FBXW7: variants seen among roughly 807,000 people sequenced by gnomAD.
The protein encoded by FBXW7 is F-box and WD repeat domain containing 7, also known as F-box/WD repeat-containing protein 7.
In FBXW7, 11 loss-of-function variants were observed where a neutral mutation model predicts 86.3. The observed-to-expected ratio is 0.13, with a 90% CI of 0.08 to 0.21. The LOEUF is 0.21. FBXW7 is among the 10% of genes least tolerant of loss of function. FBXW7 has a pLI of 1.00. For synonymous variants in FBXW7, 313 were observed against 297.9 expected (o/e 1.05, Z -0.52); for missense variants, 488 against 847.4 (o/e 0.58, Z 5.27).
chr4:152,367,115 G>A (rs1450886660), intron 4 of FBXW7, among the ~76,000 whole-genome samples: 1 of 152,092 alleles, frequency 6.6e-6, no homozygotes, highest in African/African-American at 2.4e-5. Flanking sequence ...ATCACACACT[G>A]GGGCCTGTCG....
rs751939123 is a variant in FBXW7, at chr4:152,328,360, A to T, written c.1266T>A (p.Gly422=). ...KCLRTLVGHT[G]GVWSSQMRDN... ...CTCTCATTTGTGATGACCATACTCCACCTGTATGTCCCACTAATGTTCTCA... is the reference window on the plus strand; with the variant it reads ...CTCTCATTTGTGATGACCATACTCCTCCTGTATGTCCCACTAATGTTCTCA... The change falls in exon 11 of 14, where the codon GGT becomes GGA. Residue 422 remains glycine (G), a synonymous_variant. Transcript: ENST00000281708. 3.8e-6 allele frequency: 6 copies of T among 1,572,420 alleles called. 1 individual carries two copies. In the South Asian group the frequency reaches 7.2e-5, roughly 19 times the overall value.
intron 2 of FBXW7, among the ~76,000 whole-genome samples, chr4:152,460,816 G>T (rs919304030): frequency 3.9e-5 from 6 of 152,120 alleles, no homozygotes; most frequent in Non-Finnish European, 8.8e-5. Context: ...AGTTGTGGGG[G>T]TTTTCAGCCA....
At chr4:152,377,598 C>CA (rs545737337) in intron 4 of FBXW7, among the ~76,000 whole-genome samples, 45,694 of 128,436 alleles carry the variant, frequency 0.36, 9,626 homozygotes, top group African/African-American at 0.6. Context: ...CTAAAAATAT[C>CA]AAAAAAAAAA....
intron 4 of FBXW7, among the ~76,000 whole-genome samples, chr4:152,405,358 A>G (rs1435363796): frequency 6.6e-6 from 1 of 152,152 alleles, no homozygotes; most frequent in Non-Finnish European, 1.5e-5. Context: ...GTATTAAGAT[A>G]GGGGATTTGG....
chr4:152,354,215 T>C (rs573879399), intron 4 of FBXW7, among the ~76,000 whole-genome samples: 55 of 152,090 alleles, frequency 3.6e-4, no homozygotes, highest in Non-Finnish European at 7.1e-4. Context: ...TATTCTACTG[T>C]CTACTTATCT....
At chr4:152,326,699 T>C (rs1455266481) in intron 11 of FBXW7, among the ~76,000 whole-genome samples, 1 of 152,122 alleles carries the variant, frequency 6.6e-6, no homozygotes, top group East Asian at 1.9e-4. Flanking sequence ...TTCCAAAATT[T>C]CAATTATGAA....
chr4:152,505,977 G>C (rs1381351829), intron 2 of FBXW7, among the ~76,000 whole-genome samples: 8 of 151,902 alleles, frequency 5.3e-5, no homozygotes, highest in Admixed American at 5.2e-4. Flanking sequence ...CTGGCCTCAA[G>C]CAATTCGTCC....
chr4:152,478,539 T>C (rs76418725), intron 2 of FBXW7, among the ~76,000 whole-genome samples: 10,029 of 152,206 alleles, frequency 0.066, 448 homozygotes, highest in Non-Finnish European at 0.099. Context: ...GTATAAGTTA[T>C]CCAGTTTGTG....
At chr4:152,501,441 G>T (rs758210368) in intron 2 of FBXW7, among the ~76,000 whole-genome samples, 4 of 152,186 alleles carry the variant, frequency 2.6e-5, no homozygotes, top group Middle Eastern at 3.4e-3. Context: ...TCAAAAACAT[G>T]GAGAACTTAT....
chr4:152,384,675 T>G (rs1311852820), intron 4 of FBXW7, among the ~76,000 whole-genome samples: 1 of 152,006 alleles, frequency 6.6e-6, no homozygotes, highest in Non-Finnish European at 1.5e-5. Context: ...AAATATTAAA[T>G]TTCATGTTAT....
intron 2 of FBXW7, among the ~76,000 whole-genome samples, chr4:152,520,325 G>A (rs545692242): frequency 1.3e-5 from 2 of 151,408 alleles, no homozygotes; most frequent in Non-Finnish European, 2.9e-5. Flanking sequence ...CCCAGCTACT[G>A]GGGAGGCTGA....
chr4:152,419,590 T>C (rs931963337), intron 2 of FBXW7, among the ~76,000 whole-genome samples: 18 of 151,288 alleles, frequency 1.2e-4, no homozygotes, highest in Non-Finnish European at 2.4e-4. Flanking sequence ...GTAACGACTT[T>C]CACTGGGGCT....
chr4:152,440,130 G>C (rs1482049431), intron 2 of FBXW7, among the ~76,000 whole-genome samples: 1 of 152,234 alleles, frequency 6.6e-6, no homozygotes, highest in South Asian at 2.1e-4. Flanking sequence ...TAATAGCATA[G>C]GTAGAATATG....
Position 152,535,327 on chromosome 4 carries a change from A to C in FBXW7, c.-413T>G. ...GGGGCGGGGGAGGGGGGCTCTAGGAACTCCTCCCGGAGTCCAGCCAAGGAG... is the reference window on the plus strand; with the variant it reads ...GGGGCGGGGGAGGGGGGCTCTAGGACCTCCTCCCGGAGTCCAGCCAAGGAG... On this transcript the variant is annotated 5_prime_UTR_variant, in exon 1 of 14. Transcript: ENST00000281708. 6.1e-6 allele frequency: 2 copies of C among 329,222 alleles called. No individual in the cohort carries two copies. Among genetic ancestry groups the C allele is most frequent in the Non-Finnish European group, 1.1e-5 (2 of 182,604 alleles). The allele number at this position is 329,222 out of a possible 1,614,324, so 20.4% of individuals were successfully genotyped here.
intron 4 of FBXW7, among the ~76,000 whole-genome samples, chr4:152,352,178 A>G (rs1372401402): frequency 6.6e-6 from 1 of 152,212 alleles, no homozygotes; most frequent in Non-Finnish European, 1.5e-5. Context: ...CCAACTAAGG[A>G]TAGAGTATTT....
Position 152,320,823 on chromosome 4 carries a change from T to C in FBXW7, c.*2058A>G, listed in dbSNP as rs750748848. On this transcript the variant is annotated 3_prime_UTR_variant, in exon 14 of 14. Coordinates refer to ENST00000281708, the MANE Select transcript of FBXW7 (RefSeq NM_001349798.2). The stretch of plus-strand genomic sequence containing the variant: ...TGCAGATTTTTGCTCGTCTTTAAGA[T>C]GGGAGATAATAGTGCCTACTTCTCA... 8 of 152,132 alleles carry C rather than the reference T, an allele frequency of 5.3e-5. No homozygotes were observed. The highest frequency in any genetic ancestry group is 1.0e-4 in the Non-Finnish European group (7 of 68,000). 9.4% of individuals were successfully genotyped at this position (152,132 alleles called of 1,614,324 possible).
At chr4:152,525,727 C>A (rs1749448827) in intron 2 of FBXW7, among the ~76,000 whole-genome samples, 1 of 152,152 alleles carries the variant, frequency 6.6e-6, no homozygotes. Context: ...ATTGATTCCA[C>A]ATCTTTGCTA....
chr4:152,343,361 T>C (rs1730927301), intron 6 of FBXW7, among the ~76,000 whole-genome samples: 2 of 152,168 alleles, frequency 1.3e-5, no homozygotes, highest in Admixed American at 6.5e-5. Context: ...TCCACTAAGA[T>C]TATTTCTTGA....
intron 4 of FBXW7, among the ~76,000 whole-genome samples, chr4:152,364,751 T>G (rs538355614): frequency 6.6e-6 from 1 of 152,314 alleles, no homozygotes; most frequent in South Asian, 2.1e-4. Flanking sequence ...ATTTGATCCA[T>G]GTATGGTTAT....
Sources: allele counts gnomAD v4.1 joint callset (sites outside exome capture counted in the v4.1 genomes callset), GRCh38; gene constraint gnomAD v4.1.1; transcripts MANE v1.5; gene names NCBI Gene and HGNC (gene_info 2026-07-23, HGNC 2026-07-21).